Variants in NEDD4 observed in about 807,000 individuals in gnomAD.
NEDD4 encodes the protein NEDD4 E3 ubiquitin protein ligase.
In NEDD4, 99 loss-of-function variants were observed where a neutral mutation model predicts 144.9. The observed-to-expected ratio is 0.68, with a 90% CI of 0.58 to 0.81. The LOEUF (loss-of-function observed/expected upper bound fraction) is 0.81, where lower values mean the gene tolerates loss of function less well. Ranked by LOEUF, NEDD4 falls within the 30% of genes least tolerant of loss-of-function variation. The pLI is 0.00. For synonymous variants in NEDD4, 318 were observed against 350.6 expected (o/e 0.91, Z 1.04); for missense variants, 985 against 1,065.9 (o/e 0.92, Z 1.06).
At chr15:55,959,242 G>A (rs1304281300) in intron 2 of NEDD4, among the ~76,000 whole-genome samples, 1 of 151,964 alleles carries the variant, frequency 6.6e-6, no homozygotes, top group Non-Finnish European at 1.5e-5. Context: ...AGTTCAAAAT[G>A]TTTTCTTCTT....
At chr15:55,945,348 C>T (rs538022166) in intron 4 of NEDD4, among the ~76,000 whole-genome samples, 3 of 152,144 alleles carry the variant, frequency 2.0e-5, no homozygotes, top group South Asian at 4.2e-4. Flanking sequence ...AACCATGGCA[C>T]AAGAACTTTG....
intron 5 of NEDD4, among the ~76,000 whole-genome samples, chr15:55,890,588 A>T (rs1350662562): frequency 6.6e-6 from 1 of 152,162 alleles, no homozygotes; most frequent in African/African-American, 2.4e-5. Flanking sequence ...CAGTTGATTG[A>T]CATTTGGGTT....
rs199644161 is a variant in NEDD4 at position 55,860,764 on chromosome 15, T to C, written c.689A>G (p.Asp230Gly). 72 of 1,614,126 alleles carry C rather than the reference T, an allele frequency of 4.5e-5. No individual in the cohort carries two copies. In the East Asian group the frequency reaches 1.5e-3, roughly 33 times the overall value. The change falls in exon 10 of 29, where the codon GAT (aspartate) becomes GGT (glycine). Residue 230 changes from aspartate (D) to glycine (G), a missense_variant. Transcript: ENST00000435532. The part of the protein sequence containing the change: ...KRPTPQDNLT[D>G]AENGNIQLQA... ...CAGTTGAATGTTGCCATTCTCAGCA[T>C]CTGTTAGGTTGTCCCTATATTGGAA...
intron 1 of NEDD4, among the ~76,000 whole-genome samples, chr15:55,983,783 G>T (rs750887251): frequency 1.3e-5 from 2 of 151,746 alleles, no homozygotes; most frequent in African/African-American, 4.8e-5. Context: ...GCTAATTTTT[G>T]TATTTTTGGT....
intron 5 of NEDD4, among the ~76,000 whole-genome samples, chr15:55,880,180 T>C (rs1200846067): frequency 2.6e-5 from 4 of 152,016 alleles, no homozygotes; most frequent in African/African-American, 9.7e-5. Flanking sequence ...TAATCCCAGC[T>C]ACTCAGGAGG....
Position 55,894,920 on chromosome 15 carries a change from T to A in NEDD4, c.292-20912A>T, listed in dbSNP as rs1406831473. Reference sequence around the variant, plus strand: ...ATATATCCAACATTTTTAGGAGCAATTTATATTGTATGCTCCTAAACTAGA... The same window carrying A: ...ATATATCCAACATTTTTAGGAGCAAATTATATTGTATGCTCCTAAACTAGA... On this transcript the variant is annotated intron_variant, in intron 5 of 28. Coordinates refer to ENST00000435532, the MANE Select transcript of NEDD4 (RefSeq NM_006154.4). Among the ~76,000 whole-genome samples, 5 of 152,296 alleles carry A rather than the reference T, an allele frequency of 3.3e-5. No individual in the cohort carries two copies. The East Asian group carries it at 9.6e-4, about 29-fold the overall frequency.
At chr15:55,882,756 C>A (rs2035240846) in intron 5 of NEDD4, among the ~76,000 whole-genome samples, 2 of 152,132 alleles carry the variant, frequency 1.3e-5, no homozygotes, top group African/African-American at 4.8e-5. Context: ...GCATGCAGCT[C>A]TGAAAGAAAC....
chr15:55,983,185 G>A (rs1169002952), intron 1 of NEDD4, among the ~76,000 whole-genome samples: 1 of 152,112 alleles, frequency 6.6e-6, no homozygotes, highest in Non-Finnish European at 1.5e-5. Flanking sequence ...ATGGAAAGGT[G>A]AAGAAGCAAG....
At chr15:55,969,179 T>A (rs2037567292) in intron 1 of NEDD4, among the ~76,000 whole-genome samples, 1 of 152,196 alleles carries the variant, frequency 6.6e-6, no homozygotes, top group Admixed American at 6.5e-5. Context: ...AGTGCTGCCC[T>A]GTCGCAGTGG....
At chr15:55,960,980 T>C (rs2037415163) in intron 2 of NEDD4, among the ~76,000 whole-genome samples, 1 of 152,244 alleles carries the variant, frequency 6.6e-6, no homozygotes, top group Admixed American at 6.5e-5. Flanking sequence ...TGTTATTTCT[T>C]GTGTTTTGTT....
chr15:55,864,272 T>A (rs1165244216), intron 8 of NEDD4, among the ~76,000 whole-genome samples: 1 of 151,950 alleles, frequency 6.6e-6, no homozygotes, highest in African/African-American at 2.4e-5. Context: ...AAGACCTAAA[T>A]AAGGGAAAGA....
At chr15:55,910,895 G>T (rs1262477848) in intron 5 of NEDD4, among the ~76,000 whole-genome samples, 1 of 151,768 alleles carries the variant, frequency 6.6e-6, no homozygotes, top group Non-Finnish European at 1.5e-5. Flanking sequence ...ACCTTAAAGA[G>T]AGCACTTCAC....
chr15:55,874,477 AGAG>A (rs1370491630), intron 5 of NEDD4, among the ~76,000 whole-genome samples: 3 of 152,172 alleles, frequency 2.0e-5, no homozygotes, highest in Non-Finnish European at 4.4e-5. Context: ...ATCTAGAAAA[AGAG>A]GAGAAACGTC....
chr15:55,881,392 C>T (rs1372127930), intron 5 of NEDD4, among the ~76,000 whole-genome samples: 20 of 152,076 alleles, frequency 1.3e-4, no homozygotes, highest in South Asian at 2.1e-4. Flanking sequence ...CTACCCACCT[C>T]GGCCTTCCAA....
chr15:55,905,152 A>C (rs764746938), intron 5 of NEDD4: 83 of 354,496 alleles, frequency 2.3e-4, no homozygotes, highest in Non-Finnish European at 4.2e-4. Flanking sequence ...AAATGAATTA[A>C]ATTATCATCA....
At chr15:55,933,791 T>C (rs1368763113) in intron 4 of NEDD4, among the ~76,000 whole-genome samples, 2 of 152,136 alleles carry the variant, frequency 1.3e-5, no homozygotes, top group Admixed American at 1.3e-4. Context: ...TCTATCATGA[T>C]TGTAAGTTTT....
chr15:55,944,433 T>C (rs886280018), intron 4 of NEDD4, among the ~76,000 whole-genome samples: 2 of 151,880 alleles, frequency 1.3e-5, no homozygotes, highest in Non-Finnish European at 2.9e-5. Flanking sequence ...ACTGGTGGGG[T>C]AAGGGGTGTC....
intron 22 of NEDD4, 110 bp from the exon 23 acceptor site, chr15:55,838,290 A>C: frequency 1.2e-6 from 1 of 821,532 alleles, no homozygotes; most frequent in South Asian, 1.8e-5. Context: ...GTCCAGTCAA[A>C]AGTTAAAAAC....
chr15:55,975,425 G>C (rs1348025027), intron 1 of NEDD4, among the ~76,000 whole-genome samples: 1 of 152,080 alleles, frequency 6.6e-6, no homozygotes, highest in Non-Finnish European at 1.5e-5. Context: ...AAAATCAGTA[G>C]CATTTATTTT....
Sources: allele counts gnomAD v4.1 joint callset (sites outside exome capture counted in the v4.1 genomes callset), GRCh38; gene constraint gnomAD v4.1.1; transcripts MANE v1.5; gene names NCBI Gene and HGNC (gene_info 2026-07-23, HGNC 2026-07-21).